BFSP1: variants seen among roughly 807,000 people sequenced by gnomAD.
BFSP1 encodes filensin.
Under a neutral mutation model 43.9 loss-of-function variants are expected in BFSP1, and 38 were observed. The observed-to-expected ratio is 0.87, with a 90% CI of 0.67 to 1.14. The LOEUF is 1.14. Ranked by LOEUF, BFSP1 falls within the 50% of genes most tolerant of loss-of-function variation. The pLI is 0.00. For synonymous variants in BFSP1, 352 were observed against 354.8 expected (o/e 0.99, Z 0.09); for missense variants, 850 against 875.1 (o/e 0.97, Z 0.36).
intron 6 of BFSP1, among the ~76,000 whole-genome samples, chr20:17,498,562 T>C (rs149884295): frequency 7.0e-4 from 106 of 152,286 alleles, no homozygotes; most frequent in Non-Finnish European, 1.3e-3. Flanking sequence ...CTGACCACCC[T>C]ACTTAAAACT....
chr20:17,546,666 T>G (rs1366240997), intron 1 of BFSP1, among the ~76,000 whole-genome samples: 1 of 151,206 alleles, frequency 6.6e-6, no homozygotes, highest in Non-Finnish European at 1.5e-5. Context: ...CACACCACAC[T>G]GCATTCCAGC....
intron 2 of BFSP1, among the ~76,000 whole-genome samples, chr20:17,519,043 G>A (rs1350222639): frequency 6.6e-6 from 1 of 152,056 alleles, no homozygotes; most frequent in African/African-American, 2.4e-5. Flanking sequence ...AGGTGCAGGA[G>A]TATTGGGTGG....
In BFSP1 at chr20:17,507,902, C is replaced by T. The variant is rs144965886; in HGVS notation, c.735+987G>A. Among the ~76,000 whole-genome samples the T allele has an allele frequency of 6.6e-5, 10 of 152,196 alleles. No homozygotes were observed. Among genetic ancestry groups the T allele is most frequent in the African/African-American group, 1.2e-4 (5 of 41,514 alleles). On this transcript the variant is annotated intron_variant, in intron 5 of 7. Coordinates refer to ENST00000377873, the MANE Select transcript of BFSP1 (RefSeq NM_001195.5). This position sits in a 1 kb window ranked among gnomAD's most constrained non-coding sequence, Gnocchi z 4.4. ...GCTGCACTGTGAGTTTTGTGTGGTG[C>T]GTGCTGGGATGGGAATTAGGATGTG...
At chr20:17,504,910 T>TCTTTTG (rs1568685189) in intron 5 of BFSP1, among the ~76,000 whole-genome samples, 4 of 139,146 alleles carry the variant, frequency 2.9e-5, no homozygotes, top group Non-Finnish European at 6.0e-5. Flanking sequence ...GTAAGGTTTT[T>TCTTTTG]TTTTTGTTTT....
At chr20:17,530,828 G>T (rs1403514290) in intron 1 of BFSP1, 125 bp downstream of exon 1, 1 of 1,096,560 alleles carries the variant, frequency 9.1e-7, no homozygotes, top group East Asian at 3.3e-5. Context: ...GCAGGGATGA[G>T]GTCATCGATC....
intron 1 of BFSP1, among the ~76,000 whole-genome samples, chr20:17,555,133 T>C (rs1247379479): frequency 4.0e-5 from 6 of 151,264 alleles, no homozygotes; most frequent in Admixed American, 4.0e-4. Flanking sequence ...AACCTGTCTC[T>C]ACAAAAAATT....
At chr20:17,558,731 T>G in exon 1 of BFSP1, 2 of 1,551,494 alleles carry the variant, frequency 1.3e-6, no homozygotes, top group Non-Finnish European at 1.7e-6. Flanking sequence ...AATTTGAAAA[T>G]CCATTCAGCT....
At chr20:17,557,394 T>G (rs2035009989) in intron 1 of BFSP1, among the ~76,000 whole-genome samples, 2 of 152,154 alleles carry the variant, frequency 1.3e-5, no homozygotes, top group East Asian at 3.8e-4. Flanking sequence ...GGGGGGCACC[T>G]CATCTCTCCC....
In BFSP1 at chr20:17,507,964, TG is replaced by T. The variant is rs2033981547; in HGVS notation, c.735+924del. On this transcript the variant is annotated intron_variant, in intron 5 of 7. Transcript: ENST00000377873. The surrounding 1 kb of genome is among the most constrained non-coding windows in gnomAD (Gnocchi z 4.4). ...CCCAAAATGAAATCCTGAGCAGACATGGGGGCACTGGAAATCAATAAAAAGC... is the reference window on the plus strand; with the variant it reads ...CCCAAAATGAAATCCTGAGCAGACATGGGGCACTGGAAATCAATAAAAAGC... Among the ~76,000 whole-genome samples, 1 of 152,054 alleles carries T rather than the reference TG, an allele frequency of 6.6e-6. No individual in the cohort carries two copies. Among genetic ancestry groups the T allele is most frequent in the Non-Finnish European group, 1.5e-5 (1 of 68,024 alleles).
intron 1 of BFSP1, among the ~76,000 whole-genome samples, chr20:17,550,470 T>G (rs913553218): frequency 1.3e-5 from 2 of 150,904 alleles, no homozygotes; most frequent in African/African-American, 4.9e-5. Context: ...TCCTTTTTTT[T>G]TTTTTTTTTT....
At position 17,507,849 on chromosome 20, in the gene BFSP1, G is replaced by C. The variant is rs973351138; in HGVS notation, c.735+1040C>G. Among the ~76,000 whole-genome samples the C allele has an allele frequency of 6.6e-6, 1 of 152,138 alleles. No individual in the cohort carries two copies. Among genetic ancestry groups the C allele is most frequent in the Non-Finnish European group, 1.5e-5 (1 of 68,030 alleles). ...GTTCAGGGGACCACCACAGACCCGG[G>C]TTTGCTTTCCAGCAGCCCCTGAGAG... On this transcript the variant is annotated intron_variant, in intron 5 of 7. Transcript: ENST00000377873. The surrounding 1 kb of genome is among the most constrained non-coding windows in gnomAD (Gnocchi z 4.4).
chr20:17,499,242 A>ATTTTTT (rs11339300), intron 5 of BFSP1, among the ~76,000 whole-genome samples: 1 of 129,632 alleles, frequency 7.7e-6, no homozygotes, highest in Non-Finnish European at 1.6e-5. Flanking sequence ...TCCTTACACA[A>ATTTTTT]TTTTTTTTTT....
Position 17,498,905 on chromosome 20 carries a change from C to T in BFSP1, c.871G>A (p.Asp291Asn), listed in dbSNP as rs766772031. The T allele has an allele frequency of 3.1e-6, 5 of 1,614,148 alleles. No individual in the cohort carries two copies. Among genetic ancestry groups the T allele is most frequent in the Admixed American group, 1.7e-5 (1 of 60,014 alleles). Reference protein sequence around the residue: ...TERVLEKSSYDCRQLAVAQQT... With the variant: ...TERVLEKSSYNCRQLAVAQQT... ...TGGGCGACCGCCAGCTGCCGGCAGT[C>T]GTAAGAAGACTTCTCCAGGACCCGC... is the stretch of plus-strand genomic sequence containing the variant. The change falls in exon 6 of 8, where the codon GAC becomes AAC. Residue 291 changes from aspartate (D) to asparagine (N), a missense_variant. Coordinates refer to ENST00000377873, the MANE Select transcript of BFSP1 (RefSeq NM_001195.5).
At chr20:17,558,366 C>T (rs764752259) in intron 1 of BFSP1, among the ~76,000 whole-genome samples, 2 of 152,136 alleles carry the variant, frequency 1.3e-5, no homozygotes, top group Admixed American at 6.6e-5. Flanking sequence ...GAACTTTGGC[C>T]GTTCAAGAAG....
At position 17,494,032 on chromosome 20, in the gene BFSP1, C is replaced by T. The variant is rs750182838; in HGVS notation, c.*42G>A. The T allele has an allele frequency of 3.6e-5, 55 of 1,518,562 alleles. No homozygotes were observed. The South Asian group carries it at 4.6e-4, about 13-fold the overall frequency. 94.1% of individuals were successfully genotyped at this position (1,518,562 alleles called of 1,614,324 possible). ...CTAAAATATCAAAGCATTACCCCTA[C>T]AGTGGCCCCAAATACATTTTATCCC... On this transcript the variant is annotated 3_prime_UTR_variant, in exon 8 of 8. Transcript: ENST00000377873.
chr20:17,511,926 G>A (rs1600648607), intron 4 of BFSP1, 50 bp downstream of exon 4: 2 of 1,508,608 alleles, frequency 1.3e-6, no homozygotes, highest in Middle Eastern at 2.0e-4. Context: ...GAGTCTCCAG[G>A]TACAGCTTCC....
intron 2 of BFSP1, among the ~76,000 whole-genome samples, chr20:17,521,845 C>T (rs551868062): frequency 4.6e-5 from 7 of 152,202 alleles, no homozygotes; most frequent in African/African-American, 7.2e-5. Flanking sequence ...CAGCTCAGTA[C>T]GGCTGGGGTC....
chr20:17,546,580 T>C (rs1407194794), intron 1 of BFSP1, among the ~76,000 whole-genome samples: 1 of 152,048 alleles, frequency 6.6e-6, no homozygotes, highest in African/African-American at 2.4e-5. Context: ...TGCACACCTG[T>C]AGTCCCCACT....
intron 6 of BFSP1, among the ~76,000 whole-genome samples, chr20:17,498,431 C>G (rs897554676): frequency 3.3e-5 from 5 of 152,198 alleles, no homozygotes; most frequent in African/African-American, 1.2e-4. Flanking sequence ...AAGTGCCAGG[C>G]TCCGTGCCAC....
Sources: gnomAD v4.1 joint callset for allele counts (sites outside exome capture counted in the v4.1 genomes callset) on GRCh38, gnomAD v4.1.1 for gene constraint, Gnocchi (gnomAD v3.1) non-coding constraint, MANE v1.5 for transcripts, NCBI Gene and HGNC (gene_info 2026-07-23, HGNC 2026-07-21) for gene names.